HUNK: variants seen among roughly 807,000 people sequenced by gnomAD.
The protein encoded by HUNK is hormonally up-regulated Neu-associated kinase, also known as hormonally up-regulated neu tumor-associated kinase.
A neutral mutation model predicts 61.0 loss-of-function variants in HUNK; 21 were observed. The observed-to-expected ratio is 0.34, with a 90% CI of 0.24 to 0.50. The LOEUF (loss-of-function observed/expected upper bound fraction) is 0.50, where lower values mean the gene tolerates loss of function less well. Among genes scored for constraint, HUNK ranks in the 20% least tolerant of loss-of-function variants. The pLI, the probability that HUNK is intolerant of heterozygous loss-of-function variation, is 0.98. For synonymous variants in HUNK, 371 were observed against 386.1 expected (o/e 0.96, Z 0.46); for missense variants, 772 against 945.7 (o/e 0.82, Z 2.41).
At chr21:31,934,042 G>A (rs893984140) in intron 2 of HUNK, among the ~76,000 whole-genome samples, 1 of 152,168 alleles carries the variant, frequency 6.6e-6, no homozygotes, top group Non-Finnish European at 1.5e-5. Context: ...TTTTGCTCTT[G>A]GGATGGAGCT....
At chr21:31,935,251 A>G (rs1471516569) in intron 2 of HUNK, among the ~76,000 whole-genome samples, 1 of 152,240 alleles carries the variant, frequency 6.6e-6, no homozygotes, top group African/African-American at 2.4e-5. Context: ...AAAAATCTAT[A>G]GACAATGTTT....
chr21:31,914,084 G>A (rs1233230521), intron 1 of HUNK, among the ~76,000 whole-genome samples: 2 of 152,252 alleles, frequency 1.3e-5, no homozygotes, highest in East Asian at 3.9e-4. Context: ...GACTGGGGAA[G>A]GCAGGAGGAG....
intron 1 of HUNK, among the ~76,000 whole-genome samples, chr21:31,898,497 C>A (rs1460014828): frequency 6.6e-6 from 1 of 152,110 alleles, no homozygotes; most frequent in East Asian, 1.9e-4. Flanking sequence ...AAACTCCTGG[C>A]GTCAAGTGAT....
At chr21:31,900,385 T>A (rs908497042) in intron 1 of HUNK, among the ~76,000 whole-genome samples, 1 of 151,242 alleles carries the variant, frequency 6.6e-6, no homozygotes, top group Non-Finnish European at 1.5e-5. Context: ...CAAGCAAGCG[T>A]GTGGTAGCTG....
chr21:31,924,744 G>C lies in HUNK; in HGVS notation c.538G>C (p.Ala180Pro). The C allele has an allele frequency of 6.2e-7, 1 of 1,608,980 alleles. No homozygotes were observed. The highest frequency in any genetic ancestry group is 8.5e-7 in the Non-Finnish European group (1 of 1,177,772). ...CTCTGCCGTAGAGCACCTGCACCGG[G>C]CCGGGGTGGTCCACAGGTAAGGGCC... ...LISAVEHLHR[A>P]GVVHRDLKIE... Residue 180 changes from alanine to proline, a missense_variant, in exon 2 of 11, where the codon GCC becomes CCC. Around this residue, in one of 2 missense-constraint regions of HUNK, gnomAD observed 359 missense variants for 501.3 expected, o/e 0.72. Transcript: ENST00000270112. The surrounding 1 kb of genome is among the most constrained non-coding windows in gnomAD (Gnocchi z 5.1).
chr21:31,885,932 C>A (rs2052342601), intron 1 of HUNK, among the ~76,000 whole-genome samples: 1 of 152,046 alleles, frequency 6.6e-6, no homozygotes, highest in South Asian at 2.1e-4. Flanking sequence ...ACCATTTCAC[C>A]ACGTTGATCA....
intron 9 of HUNK, among the ~76,000 whole-genome samples, chr21:31,991,365 C>T (rs533106603): frequency 6.6e-6 from 1 of 152,272 alleles, no homozygotes; most frequent in South Asian, 2.1e-4. Context: ...ACTACAGACG[C>T]TCTCCACCAT....
intron 4 of HUNK, among the ~76,000 whole-genome samples, chr21:31,951,160 C>T (rs997956437): frequency 2.0e-5 from 3 of 151,000 alleles, no homozygotes; most frequent in Admixed American, 1.3e-4. Context: ...AAATAATTCA[C>T]TTCTTTCCTT....
At chr21:31,997,035 G>A (rs1235374737) in intron 10 of HUNK, among the ~76,000 whole-genome samples, 2 of 152,242 alleles carry the variant, frequency 1.3e-5, no homozygotes, top group African/African-American at 4.8e-5. Context: ...CGGTGCCTGT[G>A]TGTTTATTTC....
intron 1 of HUNK, among the ~76,000 whole-genome samples, chr21:31,910,187 C>A (rs2052536342): frequency 6.6e-6 from 1 of 152,204 alleles, no homozygotes; most frequent in South Asian, 2.1e-4. Context: ...GGGCCTTCAA[C>A]AACAGACATT....
Position 32,000,992 on chromosome 21 carries a change from C to G in HUNK, c.*1808C>G. On this transcript the variant is annotated 3_prime_UTR_variant, in exon 11 of 11. Transcript: ENST00000270112. ...TACCATTGAAAACAGAGCTTTTAGGCCAGGTGTGGTGGCTCACACCTGTAA... is the reference window on the plus strand; with the variant it reads ...TACCATTGAAAACAGAGCTTTTAGGGCAGGTGTGGTGGCTCACACCTGTAA... The G allele has an allele frequency of 2.9e-6, 1 of 343,920 alleles. No individual in the cohort carries two copies. Among genetic ancestry groups the G allele is most frequent in the Non-Finnish European group, 5.2e-6 (1 of 192,140 alleles). The allele number at this position is 343,920 out of a possible 1,614,324, so 21.3% of individuals were successfully genotyped here. A position where few individuals can be genotyped will look rare whatever the true frequency, so the allele number is the denominator to read the frequency against.
chr21:31,964,848 C>A (rs1385384622), intron 5 of HUNK, among the ~76,000 whole-genome samples: 1 of 152,176 alleles, frequency 6.6e-6, no homozygotes, highest in East Asian at 1.9e-4. Flanking sequence ...AAATGCACAT[C>A]TAGTTTGTCC....
At chr21:31,931,932 A>C (rs1317311423) in intron 2 of HUNK, among the ~76,000 whole-genome samples, 2 of 132,504 alleles carry the variant, frequency 1.5e-5, no homozygotes, top group African/African-American at 2.9e-5. Flanking sequence ...GCACACACAC[A>C]CACGCGCGCC....
intron 4 of HUNK, among the ~76,000 whole-genome samples, chr21:31,952,993 A>C (rs1446871052): frequency 6.6e-6 from 1 of 152,112 alleles, no homozygotes; most frequent in African/African-American, 2.4e-5. Flanking sequence ...AAGACCCATC[A>C]GGAAATTCTG....
chr21:31,956,461 C>T (rs1364161312), intron 4 of HUNK, among the ~76,000 whole-genome samples: 1 of 152,092 alleles, frequency 6.6e-6, no homozygotes, highest in African/African-American at 2.4e-5. Context: ...TCCTTCTTAC[C>T]GATCTCCAAG....
intron 6 of HUNK, 88 bp downstream of exon 6, chr21:31,968,473 G>T: frequency 6.6e-7 from 1 of 1,504,256 alleles, no homozygotes; most frequent in South Asian, 1.2e-5. Flanking sequence ...AGCTGTCCGT[G>T]ATTGAAGGAA....
chr21:31,982,186 A>G (rs1387113216), intron 7 of HUNK, among the ~76,000 whole-genome samples: 1 of 152,184 alleles, frequency 6.6e-6, no homozygotes, highest in Non-Finnish European at 1.5e-5. Flanking sequence ...AATTCACTCT[A>G]GTTAGAAACA....
chr21:31,932,285 G>C (rs1201040881), intron 2 of HUNK, among the ~76,000 whole-genome samples: 1 of 152,146 alleles, frequency 6.6e-6, no homozygotes, highest in Non-Finnish European at 1.5e-5. Flanking sequence ...CCCCAGGGGT[G>C]GGGGATCACC....
chr21:31,970,088 G>A (rs115203748), intron 6 of HUNK, among the ~76,000 whole-genome samples: 2,724 of 152,234 alleles, frequency 0.018, 79 homozygotes, highest in African/African-American at 0.062. Flanking sequence ...ACCCAGAGGG[G>A]CAGATAGGAG....
Sources: gnomAD v4.1 joint callset for allele counts (sites outside exome capture counted in the v4.1 genomes callset) on GRCh38, gnomAD v4.1.1 for gene constraint, gnomAD v4.1.1 regional missense constraint, Gnocchi (gnomAD v3.1) non-coding constraint, MANE v1.5 for transcripts, NCBI Gene and HGNC (gene_info 2026-07-23, HGNC 2026-07-21) for gene names.